The following ENOX2 variants were observed in gnomAD, a reference collection of about 807,000 sequenced individuals.
ENOX2 encodes the protein ecto-NOX disulfide-thiol exchanger 2, also known as APK1 antigen.
ENOX2 carries 36 observed loss-of-function variants against 45.0 expected under a neutral mutation model. That is an observed-to-expected ratio of 0.80 (90% CI 0.61 to 1.06). The LOEUF (loss-of-function observed/expected upper bound fraction) is 1.06. Among genes scored for constraint, ENOX2 ranks in the 50% least tolerant of loss-of-function variants. The pLI is 0.00. For synonymous variants in ENOX2, 174 were observed against 152.3 expected (o/e 1.14, Z -1.05); for missense variants, 423 against 462.5 (o/e 0.91, Z 0.78).
At chrX:130,794,608 G>A (rs1163358137) in intron 2 of ENOX2, among the ~76,000 whole-genome samples, 1 of 112,781 alleles carries the variant, frequency 8.9e-6, no homozygotes, top group African/African-American at 3.2e-5. Flanking sequence ...CACATGCTGT[G>A]AGTGAATGAA....
chrX:130,670,677 C>A (rs1015205797), intron 6 of ENOX2, among the ~76,000 whole-genome samples: 1 of 109,187 alleles, frequency 9.2e-6, no homozygotes, highest in Non-Finnish European at 1.9e-5. Context: ...GTATTTTAAT[C>A]CCTAAAATTG....
chrX:130,871,905 G>A (rs1432301078), intron 2 of ENOX2, among the ~76,000 whole-genome samples: 1 of 111,642 alleles, frequency 9.0e-6, no homozygotes, highest in East Asian at 2.8e-4. Context: ...TAAAAGAGGA[G>A]GTCATGAATC....
At chrX:130,650,766 A>G (rs189175217) in intron 10 of ENOX2, among the ~76,000 whole-genome samples, 17 of 112,014 alleles carry the variant, frequency 1.5e-4, no homozygotes, top group Admixed American at 1.5e-3. Context: ...TGGCAATATG[A>G]AAGTATGAAG....
intron 2 of ENOX2, among the ~76,000 whole-genome samples, chrX:130,844,328 T>C (rs746198229): frequency 9.0e-6 from 1 of 111,701 alleles, no homozygotes; most frequent in Non-Finnish European, 1.9e-5. Context: ...GATGATCTGG[T>C]TGAGGCATTT....
At chrX:130,890,496 AT>A (rs1216743773) in intron 2 of ENOX2, among the ~76,000 whole-genome samples, 1 of 112,335 alleles carries the variant, frequency 8.9e-6, no homozygotes, top group Non-Finnish European at 1.9e-5. Flanking sequence ...CTAGTGGAAG[AT>A]TTCAAAGAAC....
At chrX:130,892,905 A>C (rs2079006167) in intron 2 of ENOX2, among the ~76,000 whole-genome samples, 1 of 112,575 alleles carries the variant, frequency 8.9e-6, no homozygotes, top group Admixed American at 9.4e-5. Flanking sequence ...ATAGGTGATA[A>C]AGCAAATACA....
chrX:130,625,249 A>G lies in ENOX2; in HGVS notation c.*65T>C, dbSNP rs1256608944. On this transcript the variant is annotated 3_prime_UTR_variant, in exon 15 of 15. Transcript: ENST00000394363. ...CACTTGAAAACCATTAAAAATATAA[A>G]TCACTTTCTATGCTTGTCCAACACA... 1.8e-6 allele frequency: 2 copies of G among 1,101,815 alleles called. No homozygotes were observed. The highest frequency in any genetic ancestry group is 6.2e-5 in the East Asian group (2 of 32,452). 90.8% of individuals were successfully genotyped at this position (1,101,815 alleles called of 1,213,427 possible). A position where few individuals can be genotyped will look rare whatever the true frequency, so the allele number is the denominator to read the frequency against.
At chrX:130,674,003 T>C (rs1382670731) in intron 6 of ENOX2, among the ~76,000 whole-genome samples, 1 of 112,188 alleles carries the variant, frequency 8.9e-6, no homozygotes, top group Non-Finnish European at 1.9e-5. Context: ...AGTAATACTT[T>C]AAAATGTAAA....
rs187911127 is a variant in ENOX2 at position 130,884,936 on chromosome X, A to T, written c.-183+16748T>A. Among the ~76,000 whole-genome samples the T allele has an allele frequency of 5.1e-3, 567 of 112,141 alleles. 1 individual carries two copies. The highest frequency in any genetic ancestry group is 0.018 in the African/African-American group (541 of 30,896). The stretch of plus-strand genomic sequence containing the variant: ...CAATCTTATAAGTTCATCCAGTACA[A>T]CAGTACAAACAAACTAGCTTTTTAG... On this transcript the variant is annotated intron_variant, in intron 2 of 14. Coordinates refer to ENST00000394363, the MANE Select transcript of ENOX2 (RefSeq NM_006375.4).
intron 2 of ENOX2, among the ~76,000 whole-genome samples, chrX:130,868,009 T>C (rs1603374805): frequency 8.9e-6 from 1 of 111,887 alleles, no homozygotes; most frequent in East Asian, 2.8e-4. Flanking sequence ...TACATAAAGG[T>C]CAAAATGTAA....
At chrX:130,692,746 AT>A (rs59522175) in intron 4 of ENOX2, among the ~76,000 whole-genome samples, 1,630 of 93,709 alleles carry the variant, frequency 0.017, 39 homozygotes, top group African/African-American at 0.054. Context: ...ATACCCGGCT[AT>A]TTTTTTTTTT....
intron 4 of ENOX2, among the ~76,000 whole-genome samples, chrX:130,693,833 T>G (rs1275600318): frequency 9.0e-6 from 1 of 111,667 alleles, no homozygotes; most frequent in Non-Finnish European, 1.9e-5. Flanking sequence ...GGCCCAGGCA[T>G]TAAGAGAGAT....
intron 2 of ENOX2, among the ~76,000 whole-genome samples, chrX:130,882,291 G>A (rs1406487099): frequency 1.9e-5 from 2 of 104,720 alleles, no homozygotes; most frequent in Non-Finnish European, 3.9e-5. Flanking sequence ...GGAATTCTGA[G>A]TGCCTGGGAC....
At chrX:130,767,994 A>T (rs1236284334) in intron 3 of ENOX2, among the ~76,000 whole-genome samples, 3 of 111,717 alleles carry the variant, frequency 2.7e-5, no homozygotes, top group African/African-American at 9.8e-5. Context: ...TGTTGCTGTA[A>T]CTGGGCTCAA....
In ENOX2 at chrX:130,698,711, A is replaced by G. The variant is rs1264469963; in HGVS notation, c.97+4409T>C. Among the ~76,000 whole-genome samples, 4 of 111,635 alleles carry G rather than the reference A, an allele frequency of 3.6e-5. No homozygotes were observed. The East Asian group carries it at 1.1e-3, about 31-fold the overall frequency. On this transcript the variant is annotated intron_variant, in intron 4 of 14. Transcript: ENST00000394363. ...CTTGCAGAACAGTGGTCTGTCATGTATCATACAAACTCCTTCTTTCTTTCT... is the reference window on the plus strand; with the variant it reads ...CTTGCAGAACAGTGGTCTGTCATGTGTCATACAAACTCCTTCTTTCTTTCT...
intron 3 of ENOX2, among the ~76,000 whole-genome samples, chrX:130,733,711 T>C (rs1175110080): frequency 8.9e-6 from 1 of 112,424 alleles, no homozygotes; most frequent in East Asian, 2.8e-4. Flanking sequence ...TATTGTATGA[T>C]TCCATTTATA....
At chrX:130,652,009 T>A (rs2036415325) in intron 10 of ENOX2, among the ~76,000 whole-genome samples, 2 of 111,833 alleles carry the variant, frequency 1.8e-5, no homozygotes, top group Admixed American at 1.9e-4. Context: ...CCCTTAACTT[T>A]ATCGATTCTA....
chrX:130,660,664 A>G (rs2036664721), intron 9 of ENOX2, among the ~76,000 whole-genome samples: 1 of 112,534 alleles, frequency 8.9e-6, no homozygotes, highest in Non-Finnish European at 1.9e-5. Context: ...TGGTGATGGC[A>G]TGTGGAAACA....
At chrX:130,902,630 T>C in intron 1 of ENOX2, among the ~76,000 whole-genome samples, 1 of 107,958 alleles carries the variant, frequency 9.3e-6, no homozygotes, top group Non-Finnish European at 1.9e-5. Flanking sequence ...TGCCCAAACC[T>C]GAAATACAAA....
Sources: allele counts gnomAD v4.1 joint callset (sites outside exome capture counted in the v4.1 genomes callset), GRCh38; gene constraint gnomAD v4.1.1; transcripts MANE v1.5; gene names NCBI Gene and HGNC (gene_info 2026-07-23, HGNC 2026-07-21).